The following ALK variants were observed in gnomAD, a reference collection of about 807,000 sequenced individuals.
ALK encodes the protein ALK receptor tyrosine kinase, also known as ALK tyrosine kinase receptor.
In ALK, 74 loss-of-function variants were observed where a neutral mutation model predicts 163.1. The observed-to-expected ratio is 0.45, with a 90% CI of 0.38 to 0.55. The LOEUF (loss-of-function observed/expected upper bound fraction) is 0.55. ALK is among the 20% of genes least tolerant of loss of function. The probability of loss-of-function intolerance (pLI) is 0.00; values close to 1 mark genes in which losing one functional copy is unlikely to be tolerated. For synonymous variants in ALK, 960 were observed against 843.2 expected, an observed-to-expected ratio of 1.14 and a Z score of -2.40; for missense variants, 2,063 against 2,105.3, an observed-to-expected ratio of 0.98 and a Z score of 0.39.
At chr2:29,524,241 G>C (rs932980866) in intron 4 of ALK, among the ~76,000 whole-genome samples, 2 of 152,194 alleles carry the variant, frequency 1.3e-5, no homozygotes, top group Non-Finnish European at 2.9e-5. Context: ...GCCAGACATT[G>C]CTAGCATAAA....
At chr2:29,644,703 C>T (rs1028498255) in intron 3 of ALK, among the ~76,000 whole-genome samples, 1 of 138,598 alleles carries the variant, frequency 7.2e-6, no homozygotes, top group African/African-American at 2.8e-5. Context: ...AGTTTGTCTC[C>T]GACACAGATG....
At chr2:29,234,080 G>A (rs1286097945) in intron 13 of ALK, among the ~76,000 whole-genome samples, 2 of 152,078 alleles carry the variant, frequency 1.3e-5, no homozygotes, top group African/African-American at 4.8e-5. Context: ...GAGCCCAGAG[G>A]GAAGTGGGTG....
intron 1 of ALK, among the ~76,000 whole-genome samples, chr2:29,856,641 G>A (rs1394648650): frequency 6.6e-6 from 1 of 152,166 alleles, no homozygotes; most frequent in Non-Finnish European, 1.5e-5. Context: ...ACCAGAAGTG[G>A]GTCAAGTGGT....
intron 23 of ALK, among the ~76,000 whole-genome samples, chr2:29,217,838 T>C (rs746851496): frequency 1.3e-5 from 2 of 151,878 alleles, no homozygotes; most frequent in Non-Finnish European, 2.9e-5. Flanking sequence ...AGTCCAAGTT[T>C]CAGAATCTGG....
At chr2:29,594,900 GTGGGGGGC>G (rs1675165245) in intron 3 of ALK, among the ~76,000 whole-genome samples, 2 of 79,218 alleles carry the variant, frequency 2.5e-5, no homozygotes, top group Non-Finnish European at 4.4e-5. Flanking sequence ...AAAATGGGGG[GTGGGGGGC>G]GGGGGGCAAA....
intron 3 of ALK, among the ~76,000 whole-genome samples, chr2:29,604,879 T>C (rs1371015872): frequency 1.3e-5 from 2 of 152,198 alleles, no homozygotes; most frequent in South Asian, 4.1e-4. Flanking sequence ...AAAGGTGGCA[T>C]TGGTGTTAAC....
chr2:29,839,949 G>A (rs1035592281), intron 1 of ALK, among the ~76,000 whole-genome samples: 3 of 152,172 alleles, frequency 2.0e-5, no homozygotes, highest in Non-Finnish European at 4.4e-5. Flanking sequence ...ATGCTCCAAG[G>A]TAGGCAGCAT....
chr2:29,896,769 C>G (rs1357323548), intron 1 of ALK, among the ~76,000 whole-genome samples: 2 of 152,144 alleles, frequency 1.3e-5, no homozygotes, highest in Non-Finnish European at 2.9e-5. Context: ...AAATCTCCAT[C>G]ACGCACCTCC....
At chr2:29,577,462 T>A (rs948719702) in intron 3 of ALK, among the ~76,000 whole-genome samples, 11 of 152,134 alleles carry the variant, frequency 7.2e-5, no homozygotes, top group African/African-American at 2.4e-4. Context: ...TAGGAATGTG[T>A]CTAATTGCCT....
intron 3 of ALK, among the ~76,000 whole-genome samples, chr2:29,561,296 G>C (rs1674016016): frequency 6.6e-6 from 1 of 152,018 alleles, no homozygotes; most frequent in Non-Finnish European, 1.5e-5. Flanking sequence ...CTCTCTTCTT[G>C]GCTCACAACC....
intron 1 of ALK, among the ~76,000 whole-genome samples, chr2:29,733,054 G>A (rs985943454): frequency 6.6e-6 from 1 of 152,108 alleles, no homozygotes; most frequent in Non-Finnish European, 1.5e-5. Context: ...CAGGGGGTTG[G>A]AAGGAGGCTA....
At chr2:29,216,189 A>T (rs960170873) in intron 23 of ALK, among the ~76,000 whole-genome samples, 1 of 152,146 alleles carries the variant, frequency 6.6e-6, no homozygotes, top group Non-Finnish European at 1.5e-5. Flanking sequence ...GGAGTGCAGC[A>T]CTTCCTCGGA....
At chr2:29,876,437 T>C (rs566780501) in intron 1 of ALK, among the ~76,000 whole-genome samples, 28 of 142,564 alleles carry the variant, frequency 2.0e-4, no homozygotes, top group African/African-American at 6.9e-4. Flanking sequence ...ATGGTGATGG[T>C]AGTGGTGAGG....
intron 4 of ALK, among the ~76,000 whole-genome samples, chr2:29,416,582 A>G (rs1470807852): frequency 6.6e-6 from 1 of 152,246 alleles, no homozygotes; most frequent in Admixed American, 6.5e-5. Context: ...AGATACCATT[A>G]GACTTTGGGG....
chr2:29,666,970 T>C (rs1325980361), intron 3 of ALK, among the ~76,000 whole-genome samples: 3 of 152,242 alleles, frequency 2.0e-5, no homozygotes, highest in Non-Finnish European at 4.4e-5. Flanking sequence ...CTTATTTCAC[T>C]CAACATAACT....
intron 3 of ALK, among the ~76,000 whole-genome samples, chr2:29,569,490 A>G (rs1362703978): frequency 6.6e-6 from 1 of 152,168 alleles, no homozygotes; most frequent in Non-Finnish European, 1.5e-5. Flanking sequence ...GGTAATAATG[A>G]ATGGGAAAGT....
intron 4 of ALK, among the ~76,000 whole-genome samples, chr2:29,500,368 C>T (rs981326207): frequency 2.0e-5 from 3 of 152,124 alleles, no homozygotes; most frequent in Admixed American, 1.3e-4. Flanking sequence ...GTGTAAGATG[C>T]CTGCTCCCCC....
intron 4 of ALK, among the ~76,000 whole-genome samples, chr2:29,445,548 C>T (rs1039993924): frequency 3.3e-5 from 5 of 152,214 alleles, no homozygotes; most frequent in Admixed American, 6.5e-5. Flanking sequence ...CATGGTGGCT[C>T]ATGCTTATAA....
At chr2:29,588,219 A>T (rs534605628) in intron 3 of ALK, among the ~76,000 whole-genome samples, 43 of 152,154 alleles carry the variant, frequency 2.8e-4, no homozygotes, top group Non-Finnish European at 5.3e-4. Flanking sequence ...AAGAGATGAG[A>T]GAAAAATTTT....
Sources: allele counts gnomAD v4.1 joint callset (sites outside exome capture counted in the v4.1 genomes callset), GRCh38; gene constraint gnomAD v4.1.1; transcripts MANE v1.5; gene names NCBI Gene and HGNC (gene_info 2026-07-23, HGNC 2026-07-21).